Variants in TMEM132D observed in about 807,000 individuals in gnomAD.
The protein encoded by TMEM132D is transmembrane protein 132D.
TMEM132D carries 21 observed loss-of-function variants against 62.3 expected under a neutral mutation model. The ratio of observed to expected loss-of-function variants is 0.34; its 90% CI spans 0.24 to 0.49. TMEM132D has a LOEUF of 0.49. TMEM132D is among the 20% of genes least tolerant of loss of function. TMEM132D has a pLI of 0.99. For missense variants in TMEM132D, 1,346 were observed against 1,402.8 expected (o/e 0.96, Z 0.65); for synonymous variants, 621 against 575.6 (o/e 1.08, Z -1.13).
At chr12:129,819,223 A>C (rs61942093) in intron 1 of TMEM132D, among the ~76,000 whole-genome samples, 113,637 of 150,924 alleles carry the variant, frequency 0.75, 43,859 homozygotes, top group Non-Finnish European at 0.84. Context: ...CATCCCTTCT[A>C]CCTACCCCAC....
chr12:129,609,099 C>G (rs931861100), intron 2 of TMEM132D, among the ~76,000 whole-genome samples: 10 of 152,036 alleles, frequency 6.6e-5, no homozygotes, highest in African/African-American at 2.4e-4. Context: ...CACCAACACG[C>G]CCAGATAATT....
chr12:129,193,334 G>GTT (rs112488553), intron 5 of TMEM132D, among the ~76,000 whole-genome samples: 19,007 of 149,124 alleles, frequency 0.13, 1,181 homozygotes, highest in African/African-American at 0.14. Flanking sequence ...ACATAGCAAT[G>GTT]TTTTTTTTTT....
chr12:129,510,643 T>C (rs1323901868), intron 3 of TMEM132D, among the ~76,000 whole-genome samples: 1 of 152,198 alleles, frequency 6.6e-6, no homozygotes, highest in African/African-American at 2.4e-5. Context: ...TTTTTCCATA[T>C]GGCAAGAGAT....
At chr12:129,202,637 T>C (rs888187301) in intron 5 of TMEM132D, among the ~76,000 whole-genome samples, 1 of 152,140 alleles carries the variant, frequency 6.6e-6, no homozygotes, top group Non-Finnish European at 1.5e-5. Context: ...CCTGAGCCAA[T>C]GGCACGTCCA....
intron 4 of TMEM132D, among the ~76,000 whole-genome samples, chr12:129,291,696 A>G (rs1881453539): frequency 6.6e-6 from 1 of 152,106 alleles, no homozygotes; most frequent in Non-Finnish European, 1.5e-5. Flanking sequence ...TCTCCTCAAG[A>G]TCCCCCTGCT....
At chr12:129,278,332 A>C (rs1881051297) in intron 4 of TMEM132D, among the ~76,000 whole-genome samples, 1 of 152,148 alleles carries the variant, frequency 6.6e-6, no homozygotes, top group Non-Finnish European at 1.5e-5. Flanking sequence ...GACCACACTG[A>C]ACATATACAG....
chr12:129,088,835 ATGTCCTCCATGACCGGG>A (rs1195501595), intron 5 of TMEM132D, among the ~76,000 whole-genome samples: 1 of 10,260 alleles, frequency 9.7e-5, no homozygotes, highest in Non-Finnish European at 1.4e-4. Flanking sequence ...CATGACCGGG[ATGTCCTCCATGACCGGG>A]TGTCCTCCAT....
chr12:129,243,354 G>A (rs1394664234), intron 4 of TMEM132D, among the ~76,000 whole-genome samples: 2 of 152,098 alleles, frequency 1.3e-5, no homozygotes, highest in African/African-American at 4.8e-5. Flanking sequence ...TTATGAACAA[G>A]TCTATTATTA....
chr12:129,742,148 T>C (rs1200942022), intron 1 of TMEM132D, among the ~76,000 whole-genome samples: 1 of 152,346 alleles, frequency 6.6e-6, no homozygotes, highest in East Asian at 1.9e-4. Context: ...AAGGTTCAAA[T>C]ACTAAACAGT....
At chr12:129,760,394 C>A (rs1223180565) in intron 1 of TMEM132D, among the ~76,000 whole-genome samples, 1 of 141,790 alleles carries the variant, frequency 7.1e-6, no homozygotes. Context: ...TGCAGTGGCG[C>A]GATCTCGGCT....
At chr12:129,304,957 C>T (rs994872444) in intron 4 of TMEM132D, among the ~76,000 whole-genome samples, 2 of 152,190 alleles carry the variant, frequency 1.3e-5, no homozygotes, top group East Asian at 1.9e-4. Flanking sequence ...AGCCACTGCG[C>T]CTGGCCAAGC....
intron 2 of TMEM132D, among the ~76,000 whole-genome samples, chr12:129,648,772 A>G (rs1227550863): frequency 1.3e-5 from 2 of 152,262 alleles, no homozygotes; most frequent in Admixed American, 1.3e-4. Flanking sequence ...AATGCATCAA[A>G]TAAATGGGGA....
At chr12:129,444,752 G>C (rs1029536463) in intron 3 of TMEM132D, among the ~76,000 whole-genome samples, 2 of 152,154 alleles carry the variant, frequency 1.3e-5, no homozygotes, top group Non-Finnish European at 2.9e-5. Context: ...CTGATCATTA[G>C]AGAAATGCAA....
At position 129,867,953 on chromosome 12, in the gene TMEM132D, T is replaced by C. The variant is rs1874107368; in HGVS notation, c.79+35308A>G. 1.3e-5 allele frequency among the ~76,000 whole-genome samples: 2 copies of C among 152,240 alleles called. No homozygotes were observed. Among genetic ancestry groups the C allele is most frequent in the African/African-American group, 2.4e-5 (1 of 41,546 alleles). On this transcript the variant is annotated intron_variant, in intron 1 of 8. Coordinates refer to ENST00000422113, the MANE Select transcript of TMEM132D (RefSeq NM_133448.3). This position sits in a 1 kb window ranked among gnomAD's most constrained non-coding sequence, Gnocchi z 4.5. ...TTCTATGGTACACACGAGGCAGTGT[T>C]TCTATGGTACACATGAGACAGCATT... is the stretch of plus-strand genomic sequence containing the variant.
At chr12:129,265,651 C>T (rs1334047145) in intron 4 of TMEM132D, among the ~76,000 whole-genome samples, 1 of 152,028 alleles carries the variant, frequency 6.6e-6, no homozygotes, top group African/African-American at 2.4e-5. Flanking sequence ...TCAACTCCAG[C>T]TGTCCTGGCC....
chr12:129,699,190 T>C (rs1362080113), intron 2 of TMEM132D, among the ~76,000 whole-genome samples: 1 of 152,218 alleles, frequency 6.6e-6, no homozygotes, highest in Non-Finnish European at 1.5e-5. Flanking sequence ...TATTCTAAAG[T>C]ACACAGAGCT....
intron 1 of TMEM132D, among the ~76,000 whole-genome samples, chr12:129,817,861 GAGGTGTA>G: frequency 6.7e-6 from 1 of 148,790 alleles, no homozygotes; most frequent in African/African-American, 2.5e-5. Context: ...TATGTGGTGT[GAGGTGTA>G]TGTGTGTGTG....
chr12:129,814,611 CAA>C (rs34979485), intron 1 of TMEM132D, among the ~76,000 whole-genome samples: 4 of 94,604 alleles, frequency 4.2e-5, no homozygotes, highest in South Asian at 4.3e-4. Context: ...AACTCCCTCT[CAA>C]AAAAAAAAAA....
At chr12:129,743,374 A>C (rs930767083) in intron 1 of TMEM132D, among the ~76,000 whole-genome samples, 1 of 152,186 alleles carries the variant, frequency 6.6e-6, no homozygotes, top group African/African-American at 2.4e-5. Flanking sequence ...GCACGATAGT[A>C]AGTGAGTTCA....
Sources: gnomAD v4.1 joint callset for allele counts (sites outside exome capture counted in the v4.1 genomes callset) on GRCh38, gnomAD v4.1.1 for gene constraint, Gnocchi (gnomAD v3.1) non-coding constraint, MANE v1.5 for transcripts, NCBI Gene and HGNC (gene_info 2026-07-23, HGNC 2026-07-21) for gene names.